Variants in KSR2 observed in about 807,000 individuals in gnomAD.
KSR2 encodes kinase suppressor of ras 2.
A neutral mutation model predicts 107.8 loss-of-function variants in KSR2; 25 were observed. That is an observed-to-expected ratio of 0.23 (90% CI 0.17 to 0.32). The LOEUF (loss-of-function observed/expected upper bound fraction) is 0.32, where lower values mean the gene tolerates loss of function less well. Among genes scored for constraint, KSR2 ranks in the 10% least tolerant of loss-of-function variants. The pLI is 1.00. For synonymous variants in KSR2, 480 were observed against 507.0 expected (o/e 0.95, Z 0.71); for missense variants, 887 against 1,268.9 (o/e 0.70, Z 4.57).
At chr12:117,906,496 C>T (rs1292935257) in intron 1 of KSR2, among the ~76,000 whole-genome samples, 1 of 151,772 alleles carries the variant, frequency 6.6e-6, no homozygotes, top group East Asian at 1.9e-4. Flanking sequence ...GTTCCAGCTA[C>T]TTGGAAGGCT....
chr12:117,939,627 G>T (rs1249576119), intron 1 of KSR2, among the ~76,000 whole-genome samples: 19 of 152,104 alleles, frequency 1.2e-4, no homozygotes, highest in Admixed American at 1.2e-3. Context: ...CAGGAGAATC[G>T]CTTGAACCCA....
At position 117,455,626 on chromosome 12, in the gene KSR2, T is replaced by A. The variant is rs1566112485; in HGVS notation, c.*11573A>T. 6.6e-6 allele frequency: 1 copy of A among 152,182 alleles called. No homozygotes were observed. Among genetic ancestry groups the A allele is most frequent in the Non-Finnish European group, 1.5e-5 (1 of 68,066 alleles). 9.4% of individuals were successfully genotyped at this position (152,182 alleles called of 1,614,324 possible). ...TTTTTCCAGAATCACAGGAGGCACT[T>A]AACAAATATTTACTAAATGACTATA... On this transcript the variant is annotated 3_prime_UTR_variant, in exon 20 of 20. Coordinates refer to ENST00000339824, the MANE Select transcript of KSR2 (RefSeq NM_173598.6).
At chr12:117,616,901 T>A (rs1881920812) in intron 5 of KSR2, among the ~76,000 whole-genome samples, 1 of 152,236 alleles carries the variant, frequency 6.6e-6, no homozygotes, top group South Asian at 2.1e-4. Context: ...TTGCTTTCTT[T>A]CATTCTTTTG....
At chr12:117,837,827 G>C (rs977792566) in intron 3 of KSR2, among the ~76,000 whole-genome samples, 2 of 152,312 alleles carry the variant, frequency 1.3e-5, no homozygotes, top group African/African-American at 2.4e-5. Context: ...GCTGATGTTG[G>C]GGGTAGGGAA....
chr12:117,580,480 T>G (rs67773897), intron 6 of KSR2, among the ~76,000 whole-genome samples: 23,453 of 152,160 alleles, frequency 0.15, 2,038 homozygotes, highest in African/African-American at 0.22. Flanking sequence ...TTTTTTCTCC[T>G]TTCCAGACCT....
intron 4 of KSR2, among the ~76,000 whole-genome samples, chr12:117,697,940 T>TTC (rs1886140103): frequency 6.6e-6 from 1 of 151,998 alleles, no homozygotes; most frequent in Non-Finnish European, 1.5e-5. Context: ...ATGACTGATG[T>TTC]CCCTATAAAA....
Position 117,457,959 on chromosome 12 carries a change from C to G in KSR2, c.*9240G>C, listed in dbSNP as rs972600608. ...ATACCCTCTCCCATGTTTCTGGTCC[C>G]CCGTGAGTTTTCTTTCCATAGATCT... On this transcript the variant is annotated 3_prime_UTR_variant, in exon 20 of 20. Coordinates refer to ENST00000339824, the MANE Select transcript of KSR2 (RefSeq NM_173598.6). 14 of 152,182 alleles carry G rather than the reference C, an allele frequency of 9.2e-5. No homozygotes were observed. The highest frequency in any genetic ancestry group is 3.4e-4 in the African/African-American group (14 of 41,508). The allele number at this position is 152,182 out of a possible 1,614,324, so 9.4% of individuals were successfully genotyped here. A position where few individuals can be genotyped will look rare whatever the true frequency, so the allele number is the denominator to read the frequency against.
chr12:117,594,929 C>G (rs1880544311), intron 5 of KSR2, among the ~76,000 whole-genome samples: 1 of 152,122 alleles, frequency 6.6e-6, no homozygotes, highest in South Asian at 2.1e-4. Flanking sequence ...CAACAGAACA[C>G]TGTCCAGCTC....
chr12:117,694,391 C>T (rs1005486851), intron 4 of KSR2, among the ~76,000 whole-genome samples: 8 of 152,186 alleles, frequency 5.3e-5, no homozygotes, highest in Non-Finnish European at 1.0e-4. Context: ...TAAGATGTGA[C>T]TTTGCTCCTC....
chr12:117,499,334 T>C (rs1196493362), intron 14 of KSR2, among the ~76,000 whole-genome samples: 3 of 152,236 alleles, frequency 2.0e-5, no homozygotes, highest in South Asian at 4.1e-4. Flanking sequence ...AGGTTTTTTT[T>C]CCCCTTGCTG....
At chr12:117,488,123 T>C (rs991167327) in intron 14 of KSR2, among the ~76,000 whole-genome samples, 1 of 152,182 alleles carries the variant, frequency 6.6e-6, no homozygotes, top group Admixed American at 6.5e-5. Context: ...CTTGCCACCA[T>C]GTAAGACGTG....
chr12:117,717,699 G>GCA, intron 4 of KSR2, among the ~76,000 whole-genome samples: 1 of 133,756 alleles, frequency 7.5e-6, no homozygotes, highest in African/African-American at 2.6e-5. Flanking sequence ...GTGTGTGTGT[G>GCA]TGTGTGTGTG....
At chr12:117,543,725 T>G (rs1876662209) in intron 9 of KSR2, among the ~76,000 whole-genome samples, 1 of 152,182 alleles carries the variant, frequency 6.6e-6, no homozygotes. Context: ...TACCATAAAC[T>G]GAGTGGGTTA....
chr12:117,473,918 G>A (rs966744964), intron 17 of KSR2, among the ~76,000 whole-genome samples: 2 of 152,176 alleles, frequency 1.3e-5, no homozygotes, highest in Non-Finnish European at 2.9e-5. Context: ...GAGCAACATG[G>A]TATCTGCTTC....
intron 1 of KSR2, among the ~76,000 whole-genome samples, chr12:117,906,301 C>T (rs953037652): frequency 7.7e-5 from 11 of 142,708 alleles, no homozygotes; most frequent in Admixed American, 2.3e-4. Flanking sequence ...TGTGGTGAGC[C>T]GAGATCGGGC....
intron 3 of KSR2, among the ~76,000 whole-genome samples, chr12:117,853,073 G>T (rs1228956465): frequency 2.0e-5 from 3 of 152,146 alleles, no homozygotes; most frequent in Non-Finnish European, 4.4e-5. Context: ...AAAGTGCTGG[G>T]ATTATAGGTG....
At chr12:117,653,486 A>G (rs564088214) in intron 5 of KSR2, among the ~76,000 whole-genome samples, 3 of 152,244 alleles carry the variant, frequency 2.0e-5, no homozygotes, top group Non-Finnish European at 1.5e-5. Flanking sequence ...CTTCTGCAAG[A>G]TATCACACTG....
Position 117,893,456 on chromosome 12 carries a change from G to A in KSR2, c.181-33025C>T, listed in dbSNP as rs541996104. Among the ~76,000 whole-genome samples the A allele has an allele frequency of 1.8e-4, 28 of 152,284 alleles. No individual in the cohort carries two copies. The South Asian group carries it at 4.1e-3, about 23-fold the overall frequency. On this transcript the variant is annotated intron_variant, in intron 1 of 19. Transcript: ENST00000339824. ...TACTTTGCAGCGTAGGCTGTGGCCC[G>A]TGAACCTGAAAGTGTCATACACCCT...
intron 4 of KSR2, among the ~76,000 whole-genome samples, chr12:117,678,031 T>C (rs898962615): frequency 6.6e-6 from 1 of 151,790 alleles, no homozygotes; most frequent in African/African-American, 2.4e-5. Context: ...GCCTCATGGG[T>C]TCAACTCGTT....
Sources: allele counts gnomAD v4.1 joint callset (sites outside exome capture counted in the v4.1 genomes callset), GRCh38; gene constraint gnomAD v4.1.1; transcripts MANE v1.5; gene names NCBI Gene and HGNC (gene_info 2026-07-23, HGNC 2026-07-21).